BRINP3: variants seen among roughly 807,000 people sequenced by gnomAD.
BRINP3 encodes the protein BMP/retinoic acid-inducible neural-specific protein 3.
A neutral mutation model predicts 71.0 loss-of-function variants in BRINP3; 19 were observed. The ratio of observed to expected loss-of-function variants is 0.27; its 90% CI spans 0.19 to 0.39. The LOEUF is 0.39. Ranked by LOEUF, BRINP3 falls within the 10% of genes least tolerant of loss-of-function variation. The probability of loss-of-function intolerance (pLI) is 1.00; values close to 1 mark genes in which losing one functional copy is unlikely to be tolerated. For synonymous variants in BRINP3, 380 were observed against 337.7 expected, an observed-to-expected ratio of 1.13 and a Z score of -1.37; for missense variants, 959 against 940.8, an observed-to-expected ratio of 1.02 and a Z score of -0.25.
intron 7 of BRINP3, among the ~76,000 whole-genome samples, chr1:190,124,510 C>CAA (rs1410282434): frequency 1.6e-4 from 25 of 152,126 alleles, no homozygotes; most frequent in African/African-American, 5.8e-4. Context: ...GCACAATGTA[C>CAA]AATGCGTAGA....
chr1:190,305,478 A>G (rs1665030459), intron 2 of BRINP3, among the ~76,000 whole-genome samples: 1 of 151,854 alleles, frequency 6.6e-6, no homozygotes, highest in South Asian at 2.1e-4. Flanking sequence ...TATTACATTA[A>G]GTGAGCTATG....
chr1:190,250,240 G>A (rs1486601068), intron 4 of BRINP3, among the ~76,000 whole-genome samples: 1 of 151,762 alleles, frequency 6.6e-6, no homozygotes, highest in Non-Finnish European at 1.5e-5. Context: ...ATTATGAAGT[G>A]ACATAAAATA....
chr1:190,247,596 G>A (rs554993507), intron 4 of BRINP3, among the ~76,000 whole-genome samples: 63 of 151,830 alleles, frequency 4.1e-4, no homozygotes, highest in South Asian at 2.3e-3. Context: ...CTGTAACTTC[G>A]TATCCCTTAA....
At chr1:190,212,362 T>G (rs1005461454) in intron 6 of BRINP3, among the ~76,000 whole-genome samples, 1 of 152,116 alleles carries the variant, frequency 6.6e-6, no homozygotes, top group Non-Finnish European at 1.5e-5. Context: ...TTTATCTTAT[T>G]TTCAGCTATT....
chr1:190,111,889 C>A (rs952504062), intron 7 of BRINP3, among the ~76,000 whole-genome samples: 1 of 152,016 alleles, frequency 6.6e-6, no homozygotes, highest in African/African-American at 2.4e-5. Context: ...AGGAGTGTTC[C>A]AGGGCTGAAA....
intron 6 of BRINP3, among the ~76,000 whole-genome samples, chr1:190,223,624 A>T (rs1382913123): frequency 3.3e-5 from 5 of 151,884 alleles, no homozygotes; most frequent in Non-Finnish European, 5.9e-5. Flanking sequence ...ACAAGATAAG[A>T]ATGCTTACTT....
At chr1:190,294,944 TC>T (rs1389495457) in intron 2 of BRINP3, among the ~76,000 whole-genome samples, 1 of 151,776 alleles carries the variant, frequency 6.6e-6, no homozygotes, top group African/African-American at 2.4e-5. Flanking sequence ...CTAGGCAAAG[TC>T]CTTTGCTCTC....
intron 1 of BRINP3, among the ~76,000 whole-genome samples, chr1:190,476,186 A>G (rs974980853): frequency 3.3e-5 from 5 of 152,070 alleles, no homozygotes; most frequent in African/African-American, 1.2e-4. Context: ...TTGAATTTAA[A>G]AAAACATTGC....
chr1:190,300,106 G>A (rs1664564908), intron 2 of BRINP3, among the ~76,000 whole-genome samples: 2 of 152,220 alleles, frequency 1.3e-5, no homozygotes, highest in South Asian at 4.1e-4. Context: ...TGCCTTGCTA[G>A]ATTGTGGAAG....
chr1:190,270,009 G>A (rs925592802), intron 3 of BRINP3, among the ~76,000 whole-genome samples: 5 of 151,932 alleles, frequency 3.3e-5, no homozygotes, highest in African/African-American at 9.7e-5. Context: ...CAACCATACG[G>A]TAGAACACTG....
intron 7 of BRINP3, among the ~76,000 whole-genome samples, chr1:190,132,838 G>T (rs956772509): frequency 2.0e-5 from 3 of 152,010 alleles, no homozygotes; most frequent in African/African-American, 7.2e-5. Context: ...GTCATAAAAG[G>T]TTTTGTGTTT....
At chr1:190,191,178 T>C (rs1654000438) in intron 6 of BRINP3, among the ~76,000 whole-genome samples, 1 of 152,160 alleles carries the variant, frequency 6.6e-6, no homozygotes, top group African/African-American at 2.4e-5. Flanking sequence ...AATGATTCTC[T>C]TCTCAGACTT....
intron 6 of BRINP3, among the ~76,000 whole-genome samples, chr1:190,210,586 A>G (rs2102648372): frequency 6.6e-6 from 1 of 152,246 alleles, no homozygotes; most frequent in East Asian, 1.9e-4. Context: ...TATTATGAAG[A>G]CTATGGCAGG....
intron 2 of BRINP3, among the ~76,000 whole-genome samples, chr1:190,326,542 A>T (rs536936350): frequency 6.6e-6 from 1 of 152,182 alleles, no homozygotes; most frequent in Admixed American, 6.6e-5. Context: ...TCTTAAAAGC[A>T]GCTAGAAAGT....
At chr1:190,108,561 A>T (rs570353024) in intron 7 of BRINP3, among the ~76,000 whole-genome samples, 1 of 150,870 alleles carries the variant, frequency 6.6e-6, no homozygotes, top group Admixed American at 6.7e-5. Context: ...ACAGAAAATA[A>T]AATCAGAATG....
chr1:190,329,723 G>A (rs148763127), intron 2 of BRINP3, among the ~76,000 whole-genome samples: 33 of 151,998 alleles, frequency 2.2e-4, no homozygotes, highest in Admixed American at 5.9e-4. Flanking sequence ...CAAAGTCAGC[G>A]GCATCACGTT....
intron 7 of BRINP3, among the ~76,000 whole-genome samples, chr1:190,137,169 C>T (rs1399684031): frequency 2.6e-5 from 4 of 151,874 alleles, no homozygotes; most frequent in African/African-American, 9.7e-5. Flanking sequence ...CTAGACTCCA[C>T]TGAAGGAGGT....
intron 7 of BRINP3, among the ~76,000 whole-genome samples, chr1:190,154,979 C>A (rs1177734706): frequency 1.3e-5 from 2 of 152,072 alleles, no homozygotes; most frequent in African/African-American, 4.8e-5. Flanking sequence ...AACAATAAAG[C>A]ATTCAAGTGA....
chr1:190,335,502 T>G (rs1004082350), intron 2 of BRINP3, among the ~76,000 whole-genome samples: 8 of 151,840 alleles, frequency 5.3e-5, no homozygotes, highest in African/African-American at 1.9e-4. Context: ...AGTTTGAACC[T>G]CATATTGTTA....
Sources: gnomAD v4.1 joint callset for allele counts (sites outside exome capture counted in the v4.1 genomes callset) on GRCh38, gnomAD v4.1.1 for gene constraint, MANE v1.5 for transcripts, NCBI Gene and HGNC (gene_info 2026-07-23, HGNC 2026-07-21) for gene names.